The following ABHD14A variants were observed in gnomAD, a reference collection of about 807,000 sequenced individuals.
ABHD14A encodes the protein protein ABHD14A.
ABHD14A carries 19 observed loss-of-function variants against 27.0 expected under a neutral mutation model. The ratio of observed to expected loss-of-function variants is 0.70; its 90% CI spans 0.49 to 1.03. The LOEUF is 1.03. Ranked by LOEUF, ABHD14A falls within the 50% of genes least tolerant of loss-of-function variation. ABHD14A has a pLI of 0.00. For synonymous variants in ABHD14A, 148 were observed against 158.8 expected (o/e 0.93, Z 0.51); for missense variants, 311 against 344.6 (o/e 0.90, Z 0.77).
In ABHD14A at chr3:51,980,465, T is replaced by C; in HGVS notation, c.470T>C (p.Leu157Pro). 2 of 1,613,542 alleles carry C rather than the reference T, an allele frequency of 1.2e-6. No individual in the cohort carries two copies. Among genetic ancestry groups the C allele is most frequent in the Non-Finnish European group, 1.7e-6 (2 of 1,180,014 alleles). The change falls in exon 4 of 5, where the codon CTG becomes CCG. Residue 157 changes from leucine (L) to proline (P), a missense_variant. Coordinates refer to ENST00000273596, the MANE Select transcript of ABHD14A (RefSeq NM_015407.5). ...CGGGCAGCGCTGCTGGAGCGGGCGC[T>C]GCGGGACCTGGAGGTACAGAATGCC... ...AGRAALLERA[L>P]RDLEVQNAVL...
In ABHD14A at chr3:51,978,343, G is replaced by A; in HGVS notation, c.366G>A (p.Arg122=). ...GCACACTGCAGCTACTGTCACAGAG[G>A]GGCTACCGGGCCGTGGCCCTTGACC... is the stretch of plus-strand genomic sequence containing the variant. ...QLGTLQLLSQ[R]GYRAVALDLP... Residue 122 remains arginine, a synonymous_variant, in exon 3 of 5, where the codon AGG becomes AGA. Coordinates refer to ENST00000273596, the MANE Select transcript of ABHD14A (RefSeq NM_015407.5). 6.4e-7 allele frequency: 1 copy of A among 1,551,666 alleles called. No individual in the cohort carries two copies. Among genetic ancestry groups the A allele is most frequent in the Non-Finnish European group, 8.7e-7 (1 of 1,146,946 alleles).
At position 51,981,012 on chromosome 3, in the gene ABHD14A, A is replaced by G. The variant is rs1700899321; in HGVS notation, c.810A>G (p.Leu270=). The G allele has an allele frequency of 6.2e-7, 1 of 1,608,880 alleles. No individual in the cohort carries two copies. The highest frequency in any genetic ancestry group is 8.5e-7 in the Non-Finnish European group (1 of 1,175,732). ...HLVLLAFLDH[L]P is the part of the protein sequence containing the mutation. ...TCCTGCTTGCCTTCCTTGACCATCT[A>G]CCTTGAACTAACCCACTCCCAGCTC... Residue 270 remains leucine, a synonymous_variant, in exon 5 of 5, where the codon CTA becomes CTG. Coordinates refer to ENST00000273596, the MANE Select transcript of ABHD14A (RefSeq NM_015407.5).
In ABHD14A at chr3:51,979,932, A is replaced by T. The variant is rs868556793; in HGVS notation, c.398-461A>T. 1.2e-4 allele frequency among the ~76,000 whole-genome samples: 17 copies of T among 146,170 alleles called. 1 individual carries two copies. The Middle Eastern group carries it at 0.011, about 97-fold the overall frequency. On this transcript the variant is annotated intron_variant, in intron 3 of 4. Coordinates refer to ENST00000273596, the MANE Select transcript of ABHD14A (RefSeq NM_015407.5). ...TATTATTTATTTTTTATTTTATTTT[A>T]TTTTTTTTTTAGACAGAGTCTCGCA... is the stretch of plus-strand genomic sequence containing the variant.
chr3:51,978,687 G>A (rs1352632272), intron 3 of ABHD14A: 1 of 270,360 alleles, frequency 3.7e-6, no homozygotes, highest in Non-Finnish European at 7.6e-6. Context: ...CGCCTCCCGG[G>A]TTCAAGCAAT....
In ABHD14A at chr3:51,978,006, A is replaced by G. The variant is rs1170756142; in HGVS notation, c.205A>G (p.Thr69Ala). The change falls in exon 2 of 5, where the codon ACA becomes GCA. Residue 69 changes from threonine (T) to alanine (A), a missense_variant. Coordinates refer to ENST00000273596, the MANE Select transcript of ABHD14A (RefSeq NM_015407.5). ...CTGCCTCTGGGGAGACCCCAATGTC[A>G]CAGTCCTGGCTGGTCTCACCCCTGG... ...TSCLWGDPNV[T>A]VLAGLTPGNS... 2 of 1,614,026 alleles carry G rather than the reference A, an allele frequency of 1.2e-6. No individual in the cohort carries two copies. Among genetic ancestry groups the G allele is most frequent in the Admixed American group, 3.3e-5 (2 of 60,028 alleles).
Position 51,977,881 on chromosome 3 carries a change from A to G in ABHD14A, c.80A>G (p.Gln27Arg), listed in dbSNP as rs760026739. The G allele has an allele frequency of 3.7e-6, 6 of 1,613,462 alleles. No individual in the cohort carries two copies. In the Admixed American group the frequency reaches 1.0e-4, roughly 27 times the overall value. The change falls in exon 2 of 5, where the codon CAG (glutamine) becomes CGG (arginine). Residue 27 changes from glutamine (Q) to arginine (R), a missense_variant. Transcript: ENST00000273596. ...CCTCTCCCTCTCCAGACTGTGGTAC[A>G]GACCTCCATGAGCCGGTCCCAGGTA... is the stretch of plus-strand genomic sequence containing the variant. ...PLIPLGPTVV[Q>R]TSMSRSQVAL... is the part of the protein sequence containing the mutation.
In ABHD14A at chr3:51,980,408, C is replaced by T. The variant is rs2106817644; in HGVS notation, c.413C>T (p.Ala138Val). The T allele has an allele frequency of 1.2e-6, 2 of 1,613,948 alleles. No individual in the cohort carries two copies. Among genetic ancestry groups the T allele is most frequent in the Non-Finnish European group, 8.5e-7 (1 of 1,179,980 alleles). The change falls in exon 4 of 5, where the codon GCA becomes GTA. Residue 138 changes from alanine (A) to valine (V), a missense_variant. Ala to Val is a moderately conservative substitution (Grantham distance 64, BLOSUM62 0). Transcript: ENST00000273596. ...ALDLPGFGNS[A>V]PSKEASTEAG... ...CTGTTCCTAGGTTTTGGGAACTCGGCACCTTCAAAGGAGGCAAGCACAGAG... is the reference window on the plus strand; with the variant it reads ...CTGTTCCTAGGTTTTGGGAACTCGGTACCTTCAAAGGAGGCAAGCACAGAG...
intron 1 of ABHD14A, among the ~76,000 whole-genome samples, chr3:51,977,269 G>A (rs149948635): frequency 9.2e-5 from 14 of 152,276 alleles, no homozygotes; most frequent in Non-Finnish European, 1.8e-4. Flanking sequence ...CCCTTTGCGC[G>A]CAGTCTTTCT....
chr3:51,977,953 G>A lies in ABHD14A; in HGVS notation c.152G>A (p.Gly51Glu). 1 of 1,614,132 alleles carries A rather than the reference G, an allele frequency of 6.2e-7. No homozygotes were observed. The highest frequency in any genetic ancestry group is 8.5e-7 in the Non-Finnish European group (1 of 1,180,040). The change falls in exon 2 of 5, where the codon GGG becomes GAG. Residue 51 changes from glycine to glutamate, a missense_variant. By Grantham distance (98) the Gly-to-Glu change is moderately conservative (BLOSUM62 -2). Coordinates refer to ENST00000273596, the MANE Select transcript of ABHD14A (RefSeq NM_015407.5). ...CTGCTCATGCTCCTACTGTATGTGG[G>A]GCTGCCAGGCCCCCCTGAGCAGACT... ...SLLLMLLLYV[G>E]LPGPPEQTSC...
chr3:51,976,148 C>T (rs776640067), intron 1 of ABHD14A, among the ~76,000 whole-genome samples: 33 of 151,896 alleles, frequency 2.2e-4, no homozygotes, highest in African/African-American at 7.5e-4. Context: ...GTTAGAGACG[C>T]GCGTCTGAGG....
chr3:51,978,021 C>T lies in ABHD14A; in HGVS notation c.220C>T (p.Leu74Phe). ...GDPNVTVLAG[L>F]TPGNSPIFYR... ...CCCCAATGTCACAGTCCTGGCTGGT[C>T]TCACCCCTGGCAACTCGCCCATCTT... The change falls in exon 2 of 5, where the codon CTC becomes TTC. Residue 74 changes from leucine (L) to phenylalanine (F), a missense_variant. Leu to Phe is a conservative substitution (Grantham distance 22). Coordinates refer to ENST00000273596, the MANE Select transcript of ABHD14A (RefSeq NM_015407.5). The T allele has an allele frequency of 6.2e-7, 1 of 1,614,076 alleles. No homozygotes were observed. Among genetic ancestry groups the T allele is most frequent in the South Asian group, 1.1e-5 (1 of 91,090 alleles).
chr3:51,975,170 T>TGGGCGGG lies in ABHD14A; in HGVS notation c.37_43dup (p.Ala15GlyfsTer45). 1 of 1,282,634 alleles carries TGGGCGGG rather than the reference T, an allele frequency of 7.8e-7. No individual in the cohort carries two copies. Among genetic ancestry groups the TGGGCGGG allele is most frequent in the Non-Finnish European group, 9.9e-7 (1 of 1,014,466 alleles). The allele number at this position is 1,282,634 out of a possible 1,614,324, so 79.5% of individuals were successfully genotyped here. On this transcript the variant is annotated frameshift_variant, in exon 1 of 5. Coordinates refer to ENST00000273596, the MANE Select transcript of ABHD14A (RefSeq NM_015407.5). LOFTEE classifies it high-confidence loss of function. ...GCGCTGTGCGGCTGCTGGTTCCGCC[T>TGGGCGGG]GGGCGGGGCCCGCCCGCTCATCCCG...
Position 51,980,976 on chromosome 3 carries a change from C to T in ABHD14A, c.774C>T (p.Asp258=), listed in dbSNP as rs1700898776. Residue 258 remains aspartate, a synonymous_variant, in exon 5 of 5, where the codon GAC becomes GAT. Coordinates refer to ENST00000273596, the MANE Select transcript of ABHD14A (RefSeq NM_015407.5). ...GHACYLHKPQ[D]FHLVLLAFLD... is the part of the protein sequence containing the mutation. ...CCTGTTACCTCCACAAGCCGCAAGA[C>T]TTCCACCTTGTCCTGCTTGCCTTCC... 3.7e-6 allele frequency: 6 copies of T among 1,614,020 alleles called. No individual in the cohort carries two copies. The highest frequency in any genetic ancestry group is 5.1e-6 in the Non-Finnish European group (6 of 1,179,856).
rs433823 is a variant in ABHD14A at position 51,978,440 on chromosome 3, G to T, written c.397+66G>T. On this transcript the variant is annotated intron_variant, in intron 3 of 4. Transcript: ENST00000273596. ...TGGCTGGGAGGCAACTGGACCCTAG[G>T]GTCTGGACAGGCCGTGGCAGGTCAC... 13,131 of 1,260,640 alleles carry T rather than the reference G, an allele frequency of 0.01. 1,011 individuals carry two copies. The African/African-American group carries it at 0.17, about 16-fold the overall frequency. 78.1% of individuals were successfully genotyped at this position (1,260,640 alleles called of 1,614,324 possible). A position where few individuals can be genotyped will look rare whatever the true frequency, so the allele number is the denominator to read the frequency against.
intron 1 of ABHD14A, among the ~76,000 whole-genome samples, 158 bp downstream of exon 1, chr3:51,975,362 A>G (rs1700764964): frequency 7.1e-6 from 1 of 140,114 alleles, no homozygotes; most frequent in African/African-American, 2.7e-5. Flanking sequence ...GTGCGCGCGC[A>G]GGGTCTGCAT....
Position 51,977,872 on chromosome 3 carries a change from C to T in ABHD14A, c.71C>T (p.Thr24Ile), listed in dbSNP as rs1559774959. 1.2e-6 allele frequency: 2 copies of T among 1,611,936 alleles called. No homozygotes were observed. Among genetic ancestry groups the T allele is most frequent in the East Asian group, 2.2e-5 (1 of 44,814 alleles). Reference sequence around the variant, plus strand: ...TTTCCCTCTCCTCTCCCTCTCCAGACTGTGGTACAGACCTCCATGAGCCGG... The same window carrying T: ...TTTCCCTCTCCTCTCCCTCTCCAGATTGTGGTACAGACCTCCATGAGCCGG... ...GARPLIPLGPTVVQTSMSRSQ... is the reference protein window; with the variant it reads ...GARPLIPLGPIVVQTSMSRSQ... Residue 24 changes from threonine (T) to isoleucine (I), a missense_variant and splice_region_variant, in exon 2 of 5, where the codon ACT becomes ATT. Thr to Ile is a moderately conservative substitution (Grantham distance 89, BLOSUM62 -1). Coordinates refer to ENST00000273596, the MANE Select transcript of ABHD14A (RefSeq NM_015407.5).
Position 51,980,588 on chromosome 3 carries a change from C to T in ABHD14A, c.593C>T (p.Ser198Phe). ...LHGFVPIAPT[S>F]TQNYTQEQFW... Reference sequence around the variant, plus strand: ...GGATTTGTGCCCATCGCACCCACCTCCACCCAGAACTACACCCAGGAGCAA... The same window carrying T: ...GGATTTGTGCCCATCGCACCCACCTTCACCCAGAACTACACCCAGGAGCAA... Residue 198 changes from serine (S) to phenylalanine (F), a missense_variant, in exon 4 of 5, where the codon TCC becomes TTC. Physicochemically the swap from Ser to Phe is radical, Grantham distance 155. Transcript: ENST00000273596. 6.2e-7 allele frequency: 1 copy of T among 1,613,862 alleles called. No individual in the cohort carries two copies. Among genetic ancestry groups the T allele is most frequent in the East Asian group, 2.2e-5 (1 of 44,854 alleles).
intron 3 of ABHD14A, among the ~76,000 whole-genome samples, chr3:51,979,966 G>A (rs1381675201): frequency 6.6e-6 from 1 of 151,600 alleles, no homozygotes; most frequent in Non-Finnish European, 1.5e-5. Context: ...CAGTCGCCCA[G>A]GCTAGAGTGC....
intron 1 of ABHD14A, among the ~76,000 whole-genome samples, chr3:51,977,021 T>C (rs1167592225): frequency 1.3e-5 from 2 of 151,926 alleles, no homozygotes; most frequent in Non-Finnish European, 2.9e-5. Flanking sequence ...GCGGCATTCA[T>C]CTCTCCAACC....
Sources: gnomAD v4.1 joint callset for allele counts (sites outside exome capture counted in the v4.1 genomes callset) on GRCh38, gnomAD v4.1.1 for gene constraint, MANE v1.5 for transcripts, NCBI Gene and HGNC (gene_info 2026-07-23, HGNC 2026-07-21) for gene names.